JADE1: variants seen among roughly 807,000 people sequenced by gnomAD.
JADE1 encodes jade family PHD finger 1, also known as protein Jade-1.
Under a neutral mutation model 81.8 loss-of-function variants are expected in JADE1, and 14 were observed. That is an observed-to-expected ratio of 0.17 (90% CI 0.11 to 0.27). The LOEUF is 0.27. Among genes scored for constraint, JADE1 ranks in the 10% least tolerant of loss-of-function variants. The pLI is 1.00. For missense variants in JADE1, 690 were observed against 1,047.9 expected, an observed-to-expected ratio of 0.66 and a Z score of 4.71; for synonymous variants, 353 against 391.9, an observed-to-expected ratio of 0.90 and a Z score of 1.17.
intron 1 of JADE1, chr4:128,816,255 T>C (rs560501838): frequency 2.6e-5 from 4 of 152,360 alleles, no homozygotes; most frequent in Non-Finnish European, 4.4e-5. Flanking sequence ...AGTTGAGATT[T>C]AGTTGAGTCT....
rs543238147 is a variant in JADE1 at position 128,855,121 on chromosome 4, T to C, written c.697-509T>C. 2.0e-5 allele frequency among the ~76,000 whole-genome samples: 3 copies of C among 152,294 alleles called. No individual in the cohort carries two copies. In the South Asian group the frequency reaches 6.2e-4, roughly 32 times the overall value. ...ATGCTTCTCTCCTGTTCCATTGCCA[T>C]CTCATTCAGCAGCTTTGGGAGATTC... On this transcript the variant is annotated intron_variant, in intron 6 of 10. Coordinates refer to ENST00000226319, the MANE Select transcript of JADE1 (RefSeq NM_199320.4).
intron 7 of JADE1, 130 bp downstream of exon 7, chr4:128,855,927 C>T (rs1730757335): frequency 1.5e-6 from 1 of 672,306 alleles, no homozygotes; most frequent in African/African-American, 1.8e-5. Flanking sequence ...TCAAGTGATC[C>T]TCCCACCTCA....
intron 2 of JADE1, among the ~76,000 whole-genome samples, chr4:128,832,937 A>AG (rs1728673528): frequency 6.6e-6 from 1 of 152,214 alleles, no homozygotes; most frequent in Non-Finnish European, 1.5e-5. Context: ...GCACAGGCAC[A>AG]GGCACGGGGC....
At position 128,848,782 on chromosome 4, in the gene JADE1, A is replaced by T. The variant is rs117582464; in HGVS notation, c.297-198A>T. On this transcript the variant is annotated intron_variant, in intron 4 of 10. Coordinates refer to ENST00000226319, the MANE Select transcript of JADE1 (RefSeq NM_199320.4). ...TTTTGAAGGCTTCTACAGTGTTTTCATTTGTATCTATTGCCTGTTAGCAGG... is the reference window on the plus strand; with the variant it reads ...TTTTGAAGGCTTCTACAGTGTTTTCTTTTGTATCTATTGCCTGTTAGCAGG... Among the ~76,000 whole-genome samples, 104 of 152,320 alleles carry T rather than the reference A, an allele frequency of 6.8e-4. 1 individual carries two copies. The East Asian group carries it at 0.018, about 26-fold the overall frequency.
intron 2 of JADE1, among the ~76,000 whole-genome samples, chr4:128,839,790 A>G (rs1729280490): frequency 6.6e-6 from 1 of 152,154 alleles, no homozygotes; most frequent in South Asian, 2.1e-4. Context: ...CTGTATGGAT[A>G]TACCAGAGTT....
chr4:128,847,654 G>T (rs1319128233), intron 4 of JADE1, among the ~76,000 whole-genome samples: 1 of 152,194 alleles, frequency 6.6e-6, no homozygotes, highest in Non-Finnish European at 1.5e-5. Context: ...TTTCAGTGGG[G>T]AGCCAGGACA....
At chr4:128,822,239 C>T (rs751700555) in intron 1 of JADE1, among the ~76,000 whole-genome samples, 4 of 151,826 alleles carry the variant, frequency 2.6e-5, no homozygotes, top group Admixed American at 6.6e-5. Context: ...TGGTGGTGTG[C>T]GCCTCTAGTC....
chr4:128,822,576 G>T lies in JADE1; in HGVS notation c.-26-9157G>T, dbSNP rs572258800. 3.3e-5 allele frequency among the ~76,000 whole-genome samples: 5 copies of T among 151,872 alleles called. No homozygotes were observed. In the East Asian group the frequency reaches 9.7e-4, roughly 30 times the overall value. On this transcript the variant is annotated intron_variant, in intron 1 of 10. Coordinates refer to ENST00000226319, the MANE Select transcript of JADE1 (RefSeq NM_199320.4). Reference sequence around the variant, plus strand: ...AAAAAAAAAAAATACAAAATTAGCCGGGCGTGGTGGCACATGCCTGTAATC... The same window carrying T: ...AAAAAAAAAAAATACAAAATTAGCCTGGCGTGGTGGCACATGCCTGTAATC...
Position 128,842,982 on chromosome 4 carries a change from C to G in JADE1, c.82C>G (p.Arg28Gly), listed in dbSNP as rs1729571426. ...SLSTTWSQNS[R>G]SQHRRSSCSR... Reference sequence around the variant, plus strand: ...GTCAACTACTTGGTCCCAGAATTCCCGATCCCAGCATAGGAGAAGCTCCTG... The same window carrying G: ...GTCAACTACTTGGTCCCAGAATTCCGGATCCCAGCATAGGAGAAGCTCCTG... The change falls in exon 3 of 11, where the codon CGA (arginine) becomes GGA (glycine). Residue 28 changes from arginine (R) to glycine (G), a missense_variant. Around this residue, in one of 8 missense-constraint regions of JADE1, gnomAD observed 59 missense variants for 52.8 expected, o/e 1.12. Transcript: ENST00000226319. The G allele has an allele frequency of 5.0e-6, 8 of 1,613,924 alleles. No homozygotes were observed. The highest frequency in any genetic ancestry group is 6.8e-6 in the Non-Finnish European group (8 of 1,179,850).
chr4:128,843,617 T>C (rs965418799), intron 3 of JADE1, among the ~76,000 whole-genome samples: 7 of 152,250 alleles, frequency 4.6e-5, no homozygotes, highest in Non-Finnish European at 1.0e-4. Context: ...CTGGTCTTTG[T>C]TTAGGGGTCC....
intron 9 of JADE1, among the ~76,000 whole-genome samples, chr4:128,867,143 A>G (rs914936178): frequency 2.6e-5 from 4 of 152,196 alleles, no homozygotes; most frequent in African/African-American, 9.7e-5. Flanking sequence ...CAGTTTTTCA[A>G]GTGATGATGC....
intron 8 of JADE1, among the ~76,000 whole-genome samples, chr4:128,859,460 T>G (rs903263533): frequency 1.3e-5 from 2 of 151,992 alleles, no homozygotes; most frequent in Non-Finnish European, 2.9e-5. Flanking sequence ...CGTGAGTGCG[T>G]GAGTATGCAC....
At chr4:128,869,814 T>C (rs760877591) in intron 10 of JADE1, among the ~76,000 whole-genome samples, 1 of 152,198 alleles carries the variant, frequency 6.6e-6, no homozygotes, top group Non-Finnish European at 1.5e-5. Flanking sequence ...TAGGATTCTG[T>C]TGAGTAATGC....
At chr4:128,832,141 A>G (rs1321266870) in intron 2 of JADE1, among the ~76,000 whole-genome samples, 1 of 152,218 alleles carries the variant, frequency 6.6e-6, no homozygotes, top group African/African-American at 2.4e-5. Context: ...GGGGAACTTA[A>G]TCAAAGCCAG....
Position 128,872,167 on chromosome 4 carries a change from T to C in JADE1, c.2434T>C (p.Ser812Pro), listed in dbSNP as rs1158739591. 1.2e-6 allele frequency: 2 copies of C among 1,614,122 alleles called. No individual in the cohort carries two copies. The highest frequency in any genetic ancestry group is 2.2e-5 in the South Asian group (2 of 91,080). ...TGTCCCCGATGTGGAAATGAGTGAC[T>C]CAGAGAGTGAGGCATCAGAAAAGAA... ...GYVPDVEMSD[S>P]ESEASEKKCI... The change falls in exon 11 of 11, where the codon TCA becomes CCA. Residue 812 changes from serine to proline, a missense_variant. Physicochemically the swap from Ser to Pro is moderately conservative, Grantham distance 74. Transcript: ENST00000226319.
In JADE1 at chr4:128,846,306, T is replaced by G. The variant is rs2125856358; in HGVS notation, c.139-69T>G. 2.0e-6 allele frequency: 3 copies of G among 1,466,432 alleles called. No individual in the cohort carries two copies. In the East Asian group the frequency reaches 6.8e-5, roughly 33 times the overall value. 90.8% of individuals were successfully genotyped at this position (1,466,432 alleles called of 1,614,324 possible). On this transcript the variant is annotated intron_variant, in intron 3 of 10. Coordinates refer to ENST00000226319, the MANE Select transcript of JADE1 (RefSeq NM_199320.4). The surrounding 1 kb of genome is among the most constrained non-coding windows in gnomAD (Gnocchi z 4.0). ...TTACATGGCAGCTCCATGGTTACATTGCAGCTGCCAGCACTCTGAATAAGA... is the reference window on the plus strand; with the variant it reads ...TTACATGGCAGCTCCATGGTTACATGGCAGCTGCCAGCACTCTGAATAAGA...
intron 4 of JADE1, among the ~76,000 whole-genome samples, chr4:128,847,848 T>A (rs1017901489): frequency 6.6e-6 from 1 of 152,204 alleles, no homozygotes; most frequent in Admixed American, 6.5e-5. Flanking sequence ...TCTGACAGAC[T>A]CTGGGCAGCC....
At chr4:128,837,951 G>A (rs781045558) in intron 2 of JADE1, among the ~76,000 whole-genome samples, 5 of 152,210 alleles carry the variant, frequency 3.3e-5, no homozygotes, top group Non-Finnish European at 2.9e-5. Context: ...AACATGAGAA[G>A]CTTATCACAC....
chr4:128,848,511 C>T (rs1560757031), intron 4 of JADE1, among the ~76,000 whole-genome samples: 2 of 151,558 alleles, frequency 1.3e-5, no homozygotes, highest in African/African-American at 2.4e-5. Flanking sequence ...CTCTCTCCCT[C>T]TTTTTTTTTG....
Sources: allele counts gnomAD v4.1 joint callset (sites outside exome capture counted in the v4.1 genomes callset), GRCh38; gene constraint gnomAD v4.1.1; regional missense constraint gnomAD v4.1.1; non-coding constraint Gnocchi (gnomAD v3.1); transcripts MANE v1.5; gene names NCBI Gene and HGNC (gene_info 2026-07-23, HGNC 2026-07-21).